LRRC8D: variants seen among roughly 807,000 people sequenced by gnomAD.
The protein encoded by LRRC8D is leucine rich repeat containing 8 VRAC subunit D.
LRRC8D carries 20 observed loss-of-function variants against 55.8 expected under a neutral mutation model. The ratio of observed to expected loss-of-function variants is 0.36; its 90% CI spans 0.25 to 0.52. The LOEUF (loss-of-function observed/expected upper bound fraction) is 0.52, where lower values mean the gene tolerates loss of function less well. Ranked by LOEUF, LRRC8D falls within the 20% of genes least tolerant of loss-of-function variation. The pLI is 0.93. For synonymous variants in LRRC8D, 352 were observed against 377.0 expected, an observed-to-expected ratio of 0.93 and a Z score of 0.77; for missense variants, 651 against 1,030.8, an observed-to-expected ratio of 0.63 and a Z score of 5.05.
chr1:89,917,115 C>G (rs145199827), intron 2 of LRRC8D, among the ~76,000 whole-genome samples: 1 of 152,280 alleles, frequency 6.6e-6, no homozygotes, highest in African/African-American at 2.4e-5. Flanking sequence ...TTTAAATTAG[C>G]TCTATAATAG....
chr1:89,831,554 A>G (rs1052126751), intron 1 of LRRC8D, among the ~76,000 whole-genome samples: 13 of 152,310 alleles, frequency 8.5e-5, no homozygotes, highest in Middle Eastern at 3.4e-3. Flanking sequence ...ATTTGTTCAT[A>G]TCTTAAAATT....
intron 2 of LRRC8D, among the ~76,000 whole-genome samples, chr1:89,902,856 G>A (rs1570874996): frequency 6.6e-6 from 1 of 152,168 alleles, no homozygotes; most frequent in East Asian, 1.9e-4. Context: ...GGTTCAGTCT[G>A]GTTGCCTAGG....
chr1:89,896,304 T>C (rs1264984379), intron 2 of LRRC8D, among the ~76,000 whole-genome samples: 1 of 151,978 alleles, frequency 6.6e-6, no homozygotes, highest in Non-Finnish European at 1.5e-5. Flanking sequence ...GTCGTAAACT[T>C]TGGTTCTGGA....
chr1:89,851,856 A>G (rs999396613), intron 2 of LRRC8D, among the ~76,000 whole-genome samples: 2 of 152,202 alleles, frequency 1.3e-5, no homozygotes, highest in African/African-American at 4.8e-5. Context: ...TGTACATAGC[A>G]TGGCTTATTA....
chr1:89,883,638 T>G (rs569820436), intron 2 of LRRC8D, among the ~76,000 whole-genome samples: 4 of 152,222 alleles, frequency 2.6e-5, no homozygotes, highest in East Asian at 3.9e-4. Context: ...TCACTAACTG[T>G]GGGGTTTCAG....
chr1:89,870,685 C>T (rs12095496), intron 2 of LRRC8D, among the ~76,000 whole-genome samples: 24,677 of 152,074 alleles, frequency 0.16, 2,085 homozygotes, highest in African/African-American at 0.18. Flanking sequence ...CCCCTCCCCA[C>T]CTTCCCCTCA....
chr1:89,919,232 G>A (rs1283353909), intron 2 of LRRC8D, among the ~76,000 whole-genome samples: 2 of 152,136 alleles, frequency 1.3e-5, no homozygotes, highest in African/African-American at 2.4e-5. Context: ...TACTAACTTT[G>A]AGAACTTTTT....
intron 2 of LRRC8D, among the ~76,000 whole-genome samples, chr1:89,902,982 G>A (rs1374505989): frequency 2.6e-5 from 4 of 152,136 alleles, no homozygotes; most frequent in Non-Finnish European, 4.4e-5. Flanking sequence ...TAATGTGCAC[G>A]GGGCACTGTG....
At chr1:89,843,479 G>T (rs1281333948) in intron 1 of LRRC8D, 159 bp from the exon 2 acceptor site, 7 of 450,050 alleles carry the variant, frequency 1.6e-5, no homozygotes, top group Non-Finnish European at 4.0e-6. Flanking sequence ...AGCCGGTGCG[G>T]CGGGGTCGCC....
At chr1:89,901,967 T>C (rs1662866857) in intron 2 of LRRC8D, among the ~76,000 whole-genome samples, 2 of 152,244 alleles carry the variant, frequency 1.3e-5, no homozygotes, top group African/African-American at 2.4e-5. Context: ...CCCTTTTCTC[T>C]GTACTGGCCT....
intron 2 of LRRC8D, among the ~76,000 whole-genome samples, chr1:89,881,692 G>T (rs1329425357): frequency 6.6e-6 from 1 of 152,044 alleles, no homozygotes; most frequent in Admixed American, 6.5e-5. Context: ...GACATGAATG[G>T]CCTGAAAAGG....
intron 1 of LRRC8D, among the ~76,000 whole-genome samples, chr1:89,838,673 G>C (rs771849613): frequency 2.6e-5 from 4 of 152,114 alleles, no homozygotes; most frequent in Non-Finnish European, 1.5e-5. Flanking sequence ...ATTATGCCTA[G>C]TAAATCCCAG....
At chr1:89,899,744 T>C (rs1662804933) in intron 2 of LRRC8D, among the ~76,000 whole-genome samples, 1 of 152,228 alleles carries the variant, frequency 6.6e-6, no homozygotes, top group African/African-American at 2.4e-5. Flanking sequence ...GATTATAATG[T>C]AGTAAAGTGA....
At chr1:89,856,831 T>C (rs1270570102) in intron 2 of LRRC8D, among the ~76,000 whole-genome samples, 1 of 152,194 alleles carries the variant, frequency 6.6e-6, no homozygotes, top group African/African-American at 2.4e-5. Context: ...ACCACGCTTG[T>C]AACTGTTTTC....
At chr1:89,844,413 T>C (rs1642996045) in intron 2 of LRRC8D, among the ~76,000 whole-genome samples, 1 of 151,922 alleles carries the variant, frequency 6.6e-6, no homozygotes, top group African/African-American at 2.4e-5. Flanking sequence ...ACCGGAAAGG[T>C]AGGGACCAGG....
At chr1:89,843,928 C>G (rs1330793740) in intron 2 of LRRC8D, 146 bp downstream of exon 2, 9 of 498,254 alleles carry the variant, frequency 1.8e-5, no homozygotes, top group Non-Finnish European at 3.3e-5. Context: ...GGGGTCTCTG[C>G]CAAACTCTGG....
At chr1:89,883,212 G>T (rs181695681) in intron 2 of LRRC8D, among the ~76,000 whole-genome samples, 23 of 151,126 alleles carry the variant, frequency 1.5e-4, no homozygotes, top group Admixed American at 4.6e-4. Flanking sequence ...CTCAAAATAC[G>T]TGTGTAGGCG....
chr1:89,841,704 G>T (rs766344588), intron 1 of LRRC8D, among the ~76,000 whole-genome samples: 22 of 152,154 alleles, frequency 1.4e-4, no homozygotes, highest in Non-Finnish European at 2.9e-4. Flanking sequence ...AGAACCTTTT[G>T]AACTTTTGCC....
At chr1:89,853,889 C>T (rs750716490) in intron 2 of LRRC8D, among the ~76,000 whole-genome samples, 3 of 152,104 alleles carry the variant, frequency 2.0e-5, no homozygotes, top group Non-Finnish European at 1.5e-5. Flanking sequence ...AGCAGATACA[C>T]GCGGGTGTGT....
Sources: gnomAD v4.1 joint callset for allele counts (sites outside exome capture counted in the v4.1 genomes callset) on GRCh38, gnomAD v4.1.1 for gene constraint, MANE v1.5 for transcripts, NCBI Gene and HGNC (gene_info 2026-07-23, HGNC 2026-07-21) for gene names.